The following DCAF8L2 variants were observed in gnomAD, a reference collection of about 807,000 sequenced individuals.
DCAF8L2 encodes DDB1 and CUL4 associated factor 8 like 2.
For synonymous variants in DCAF8L2, 200 were observed against 190.9 expected (o/e 1.05, Z -0.39); for missense variants, 430 against 490.7 (o/e 0.88, Z 1.17).
At chrX:27,736,854 T>G (rs1450366811) in intron 4 of DCAF8L2, among the ~76,000 whole-genome samples, 2 of 111,210 alleles carry the variant, frequency 1.8e-5, no homozygotes, top group Non-Finnish European at 3.8e-5. Context: ...TTTTTTCCAG[T>G]CTCATTCTCT....
chrX:27,519,296 G>T, the DCAF8L2 span: 1 of 1,026,538 alleles, frequency 9.7e-7, no homozygotes, highest in Non-Finnish European at 1.4e-6. Context: ...GAATGAAAAC[G>T]AGCAAAAGAA....
chrX:27,547,177 CA>C, the DCAF8L2 span, among the ~76,000 whole-genome samples: 1 of 112,046 alleles, frequency 8.9e-6, no homozygotes, highest in Non-Finnish European at 1.9e-5. Context: ...ACCTTTGCTC[CA>C]GTTCCCAATG....
At chrX:27,511,139 T>G in the DCAF8L2 span, among the ~76,000 whole-genome samples, 5 of 111,265 alleles carry the variant, frequency 4.5e-5, no homozygotes, top group East Asian at 1.4e-3. Flanking sequence ...TGTAGAGTAC[T>G]GTACCATACA....
the DCAF8L2 span, among the ~76,000 whole-genome samples, chrX:27,539,278 TGGG>T: frequency 8.9e-6 from 1 of 111,759 alleles, no homozygotes; most frequent in Non-Finnish European, 1.9e-5. Context: ...GGGGTTTTCT[TGGG>T]GGGAAGAAGA....
At chrX:27,498,944 G>A in the DCAF8L2 span, among the ~76,000 whole-genome samples, 3 of 112,067 alleles carry the variant, frequency 2.7e-5, no homozygotes, top group East Asian at 2.8e-4. Context: ...GTGTGTGTGT[G>A]TATATCTTTT....
the DCAF8L2 span, among the ~76,000 whole-genome samples, chrX:27,501,552 G>T: frequency 9.0e-6 from 1 of 111,374 alleles, no homozygotes; most frequent in Non-Finnish European, 1.9e-5. Context: ...GTCTGATTAG[G>T]TGTCCAAGTA....
chrX:27,555,981 C>A, the DCAF8L2 span, among the ~76,000 whole-genome samples: 1 of 111,462 alleles, frequency 9.0e-6, no homozygotes, highest in South Asian at 3.8e-4. Context: ...TGCCTATACC[C>A]TGGTGGTTGG....
chrX:27,546,933 T>C, the DCAF8L2 span, among the ~76,000 whole-genome samples: 2 of 112,405 alleles, frequency 1.8e-5, no homozygotes, highest in Non-Finnish European at 3.8e-5. Context: ...TGATTAACAT[T>C]TGGTTTATCT....
the DCAF8L2 span, among the ~76,000 whole-genome samples, chrX:27,493,625 C>T: frequency 5.7e-5 from 6 of 104,926 alleles, no homozygotes; most frequent in Non-Finnish European, 9.7e-5. Flanking sequence ...GCAGGAGAAT[C>T]GCTTGAACCT....
At chrX:27,687,009 T>A (rs927176764) in intron 3 of DCAF8L2, among the ~76,000 whole-genome samples, 4 of 111,806 alleles carry the variant, frequency 3.6e-5, no homozygotes, top group African/African-American at 1.3e-4. Flanking sequence ...GCAGTAATGC[T>A]CCCTGGCCAC....
At chrX:27,566,125 C>G in the DCAF8L2 span, among the ~76,000 whole-genome samples, 22 of 109,680 alleles carry the variant, frequency 2.0e-4, no homozygotes, top group African/African-American at 6.3e-4. Context: ...CTCCCGCCCC[C>G]CCGACCCTGT....
chrX:27,642,835 T>C (rs1928792298), intron 2 of DCAF8L2, among the ~76,000 whole-genome samples: 1 of 112,137 alleles, frequency 8.9e-6, no homozygotes, highest in Admixed American at 9.5e-5. Context: ...AGAACATATA[T>C]TCTCAATAAT....
chrX:27,581,743 C>T, the DCAF8L2 span, among the ~76,000 whole-genome samples: 2 of 110,626 alleles, frequency 1.8e-5, no homozygotes, highest in Non-Finnish European at 3.8e-5. Flanking sequence ...CCACCATGCC[C>T]GGCTAATTTT....
At position 27,594,870 on chromosome X, in the gene DCAF8L2, C is replaced by G. The variant is rs2147111704; in HGVS notation, c.-342+4430C>G. 1.8e-5 allele frequency among the ~76,000 whole-genome samples: 2 copies of G among 111,505 alleles called. 1 individual carries two copies. Among genetic ancestry groups the G allele is most frequent in the South Asian group, 7.5e-4 (2 of 2,671 alleles). On this transcript the variant is annotated intron_variant, in intron 1 of 4. Coordinates refer to ENST00000451261, the MANE Select transcript of DCAF8L2 (RefSeq NM_001353450.2). Reference sequence around the variant, plus strand: ...TTACAATTATGACTAAAATGATGTACCATGCAATATTATTATAATTTACTT... The same window carrying G: ...TTACAATTATGACTAAAATGATGTAGCATGCAATATTATTATAATTTACTT...
intron 2 of DCAF8L2, among the ~76,000 whole-genome samples, chrX:27,671,959 A>T (rs777670331): frequency 8.9e-6 from 1 of 112,025 alleles, no homozygotes; most frequent in Non-Finnish European, 1.9e-5. Context: ...TACAGGCTAT[A>T]CTAAAAGTGG....
the DCAF8L2 span, among the ~76,000 whole-genome samples, chrX:27,581,308 A>G: frequency 8.9e-6 from 1 of 112,163 alleles, no homozygotes; most frequent in Non-Finnish European, 1.9e-5. Context: ...TCTCAGTTTT[A>G]CTTTCCTCTC....
At chrX:27,487,525 C>T in the DCAF8L2 span, among the ~76,000 whole-genome samples, 3 of 111,735 alleles carry the variant, frequency 2.7e-5, no homozygotes, top group East Asian at 2.8e-4. Flanking sequence ...TAAAGTGGTC[C>T]GCCCACCTTG....
the DCAF8L2 span, among the ~76,000 whole-genome samples, chrX:27,562,630 T>C: frequency 7.1e-5 from 8 of 112,057 alleles, no homozygotes; most frequent in African/African-American, 1.9e-4. Context: ...CAAACTGAAA[T>C]GCAGGCCTGA....
In DCAF8L2 at chrX:27,747,563, G is replaced by A. The variant is rs779233435; in HGVS notation, c.668G>A (p.Arg223His). The change falls in exon 5 of 5, where the codon CGT becomes CAT. Residue 223 changes from arginine to histidine, a missense_variant. By Grantham distance (29) the Arg-to-His change is conservative. Coordinates refer to ENST00000451261, the MANE Select transcript of DCAF8L2 (RefSeq NM_001353450.2). The part of the protein sequence containing the change: ...AFVQRFRLQY[R>H]LADHVGCVNT... ...GTGCAGCGTTTCCGCCTGCAATATC[G>A]TCTTGCAGACCATGTCGGCTGTGTC... 6 of 1,188,995 alleles carry A rather than the reference G, an allele frequency of 5.0e-6. No individual in the cohort carries two copies. The highest frequency in any genetic ancestry group is 3.1e-5 in the East Asian group (1 of 32,650).
Sources: allele counts gnomAD v4.1 joint callset (sites outside exome capture counted in the v4.1 genomes callset), GRCh38; gene constraint gnomAD v4.1.1; transcripts MANE v1.5; gene names NCBI Gene and HGNC (gene_info 2026-07-23, HGNC 2026-07-21).